Variants in SHLD1 observed in about 807,000 individuals in gnomAD.
SHLD1 encodes the protein RINN1-REV7-interacting novel NHEJ regulator 3.
In SHLD1, 3 loss-of-function variants were observed where a neutral mutation model predicts 5.5. The ratio of observed to expected loss-of-function variants is 0.54; its 90% CI spans 0.25 to 1.40. The LOEUF (loss-of-function observed/expected upper bound fraction) is 1.40, where lower values mean the gene tolerates loss of function less well. Ranked by LOEUF, SHLD1 falls within the 40% of genes most tolerant of loss-of-function variation. The probability of loss-of-function intolerance (pLI) is 0.15; values close to 1 mark genes in which losing one functional copy is unlikely to be tolerated. For missense variants in SHLD1, 210 were observed against 244.4 expected, an observed-to-expected ratio of 0.86 and a Z score of 0.94; for synonymous variants, 92 against 94.3, an observed-to-expected ratio of 0.98 and a Z score of 0.14.
chr20:5,771,355 T>G (rs1158626042), intron 1 of SHLD1, among the ~76,000 whole-genome samples: 20 of 152,224 alleles, frequency 1.3e-4, no homozygotes, highest in Non-Finnish European at 1.5e-5. Flanking sequence ...GCTTCTTCAC[T>G]GGCAAATGCA....
intron 2 of SHLD1, among the ~76,000 whole-genome samples, chr20:5,836,286 G>T (rs1185895926): frequency 2.0e-5 from 3 of 152,076 alleles, no homozygotes; most frequent in Non-Finnish European, 2.9e-5. Context: ...CTGTTAGCCT[G>T]CCTGATTAAC....
At chr20:5,796,961 A>T (rs375627783) in intron 2 of SHLD1, among the ~76,000 whole-genome samples, 1 of 152,162 alleles carries the variant, frequency 6.6e-6, no homozygotes, top group Non-Finnish European at 1.5e-5. Context: ...AGGCATGAGA[A>T]GCTGAAGTTG....
chr20:5,777,661 C>G (rs1985493689), intron 2 of SHLD1, among the ~76,000 whole-genome samples: 1 of 150,552 alleles, frequency 6.6e-6, no homozygotes, highest in South Asian at 2.1e-4. Context: ...TCTTGAACTC[C>G]TGGGCCCAAG....
chr20:5,813,945 CTTTTTTTTTT>C (rs143110037), intron 2 of SHLD1, among the ~76,000 whole-genome samples: 3 of 79,974 alleles, frequency 3.8e-5, no homozygotes, highest in East Asian at 8.7e-4. Flanking sequence ...CCTTTTCTTT[CTTTTTTTTTT>C]TTTTTTTTTT....
At chr20:5,811,273 G>T (rs2087455273) in intron 2 of SHLD1, among the ~76,000 whole-genome samples, 2 of 152,146 alleles carry the variant, frequency 1.3e-5, no homozygotes, top group Admixed American at 1.3e-4. Flanking sequence ...TTAATTCTTG[G>T]AGAGAGCACC....
At chr20:5,809,077 A>G (rs1419562240) in intron 2 of SHLD1, among the ~76,000 whole-genome samples, 1 of 152,080 alleles carries the variant, frequency 6.6e-6, no homozygotes, top group African/African-American at 2.4e-5. Context: ...TAGAACTAAA[A>G]AAGAATAATT....
chr20:5,784,740 G>A (rs943327798), intron 2 of SHLD1, among the ~76,000 whole-genome samples: 17 of 152,250 alleles, frequency 1.1e-4, no homozygotes, highest in East Asian at 7.7e-4. Flanking sequence ...GTGAGCCACC[G>A]CGCCCGGCCC....
chr20:5,839,291 A>T (rs237095), intron 2 of SHLD1, among the ~76,000 whole-genome samples: 1 of 152,024 alleles, frequency 6.6e-6, no homozygotes, highest in Non-Finnish European at 1.5e-5. Context: ...TAGCTGACAC[A>T]TTCTCCTTTG....
chr20:5,752,519 A>G (rs907494896), intron 1 of SHLD1, among the ~76,000 whole-genome samples: 1 of 152,078 alleles, frequency 6.6e-6, no homozygotes, highest in Admixed American at 6.6e-5. Context: ...GGCTGCATTA[A>G]TGGAGATTCT....
At chr20:5,785,707 A>T (rs938742065) in intron 2 of SHLD1, among the ~76,000 whole-genome samples, 4 of 151,256 alleles carry the variant, frequency 2.6e-5, no homozygotes, top group Non-Finnish European at 5.9e-5. Context: ...GAGACAGGAG[A>T]ATTGCTTGAA....
Position 5,767,400 on chromosome 20 carries a change from A to G in SHLD1, c.-4-5462A>G, listed in dbSNP as rs539308422. 5.3e-5 allele frequency among the ~76,000 whole-genome samples: 8 copies of G among 152,184 alleles called. No individual in the cohort carries two copies. In the South Asian group the frequency reaches 1.7e-3, roughly 32 times the overall value. ...CAATCCTCCTGCCTCAGCCTCCCAAAGTGGTGGGATTACAGGTATCAGCCA... is the reference window on the plus strand; with the variant it reads ...CAATCCTCCTGCCTCAGCCTCCCAAGGTGGTGGGATTACAGGTATCAGCCA... On this transcript the variant is annotated intron_variant, in intron 1 of 2. Coordinates refer to ENST00000303142, the MANE Select transcript of SHLD1 (RefSeq NM_152504.4).
chr20:5,821,701 G>C (rs904654586), intron 2 of SHLD1, among the ~76,000 whole-genome samples: 2 of 152,168 alleles, frequency 1.3e-5, no homozygotes, highest in African/African-American at 4.8e-5. Context: ...GGTCTGTCAT[G>C]AGGTGGCCGC....
At chr20:5,851,504 AAAAAG>A (rs1453779956) in intron 2 of SHLD1, among the ~76,000 whole-genome samples, 8 of 151,974 alleles carry the variant, frequency 5.3e-5, no homozygotes, top group African/African-American at 1.9e-4. Flanking sequence ...TAAAAAAAAA[AAAAAG>A]AAAAGAGAAG....
intron 1 of SHLD1, among the ~76,000 whole-genome samples, chr20:5,763,094 G>GT (rs1984565659): frequency 6.6e-6 from 1 of 151,946 alleles, no homozygotes; most frequent in South Asian, 2.1e-4. Flanking sequence ...ATCACCTGAG[G>GT]TCAGGAGTTC....
chr20:5,754,929 G>A (rs1324546588), intron 1 of SHLD1, among the ~76,000 whole-genome samples: 1 of 152,148 alleles, frequency 6.6e-6, no homozygotes, highest in Non-Finnish European at 1.5e-5. Flanking sequence ...GGTGGCACAT[G>A]CCTGTAATTC....
chr20:5,857,485 C>T (rs971215572), intron 2 of SHLD1, among the ~76,000 whole-genome samples: 2 of 152,198 alleles, frequency 1.3e-5, no homozygotes, highest in East Asian at 3.9e-4. Context: ...TCCTTCTTTC[C>T]TTAAATCCTG....
chr20:5,756,701 T>G, intron 1 of SHLD1: 1 of 167,216 alleles, frequency 6.0e-6, no homozygotes. Context: ...TTTTTTTTTT[T>G]TTTTTTTGAG....
intron 1 of SHLD1, among the ~76,000 whole-genome samples, chr20:5,752,877 C>T (rs1470463083): frequency 6.6e-6 from 1 of 152,140 alleles, no homozygotes; most frequent in Non-Finnish European, 1.5e-5. Flanking sequence ...TCACTGCAAC[C>T]TCCACCTCCT....
chr20:5,839,960 G>T (rs890983611), intron 2 of SHLD1, among the ~76,000 whole-genome samples: 1 of 152,168 alleles, frequency 6.6e-6, no homozygotes, highest in Non-Finnish European at 1.5e-5. Flanking sequence ...AGAATAAAAT[G>T]CTCAAGTAAA....
Sources: allele counts gnomAD v4.1 joint callset (sites outside exome capture counted in the v4.1 genomes callset), GRCh38; gene constraint gnomAD v4.1.1; transcripts MANE v1.5; gene names NCBI Gene and HGNC (gene_info 2026-07-23, HGNC 2026-07-21).